The following CARF variants were observed in gnomAD, a reference collection of about 807,000 sequenced individuals.
CARF encodes the protein calcium-responsive transcription factor.
Under a neutral mutation model 82.0 loss-of-function variants are expected in CARF, and 57 were observed. The observed-to-expected ratio is 0.70, with a 90% CI of 0.56 to 0.87. CARF has a LOEUF of 0.87. Among genes scored for constraint, CARF ranks in the 40% least tolerant of loss-of-function variants. The pLI, the probability that CARF is intolerant of heterozygous loss-of-function variation, is 0.00. For synonymous variants in CARF, 268 were observed against 290.1 expected, an observed-to-expected ratio of 0.92 and a Z score of 0.77; for missense variants, 771 against 855.8, an observed-to-expected ratio of 0.90 and a Z score of 1.24.
intron 6 of CARF, among the ~76,000 whole-genome samples, chr2:202,953,194 T>G (rs1022533245): frequency 2.6e-5 from 4 of 152,044 alleles, no homozygotes; most frequent in Non-Finnish European, 4.4e-5. Context: ...TTTTATATTT[T>G]TAGTAGAGAC....
chr2:202,932,405 C>G (rs1459568400), intron 3 of CARF, among the ~76,000 whole-genome samples: 2 of 152,128 alleles, frequency 1.3e-5, no homozygotes, highest in African/African-American at 4.8e-5. Flanking sequence ...TCTAGCAGCT[C>G]AGGCCCAGGG....
Position 202,953,928 on chromosome 2 carries a change from A to G in CARF, c.428-77A>G, listed in dbSNP as rs866955924. ...AATTTTCTTTACCTATTACAAATAC[A>G]TAAGTTTTAGTTAGGTATATTCTTA... On this transcript the variant is annotated intron_variant, in intron 6 of 16. Coordinates refer to ENST00000438828, the MANE Select transcript of CARF (RefSeq NM_024744.17). The G allele has an allele frequency of 6.7e-5, 86 of 1,281,010 alleles. No individual in the cohort carries two copies. In the African/African-American group the frequency reaches 1.2e-3, roughly 17 times the overall value. The allele number at this position is 1,281,010 out of a possible 1,614,324, so 79.4% of individuals were successfully genotyped here.
At position 202,952,607 on chromosome 2, in the gene CARF, C is replaced by T; in HGVS notation, c.355C>T (p.Pro119Ser). Residue 119 changes from proline (P) to serine (S), a missense_variant, in exon 6 of 17, where the codon CCA (proline) becomes TCA (serine). Transcript: ENST00000438828. ...TENGQVLRVI[P>S]PTQTGMAQVI... The stretch of plus-strand genomic sequence containing the variant: ...AAATGGACAGGTACTTCGTGTAATT[C>T]CACCTACCCAGACAGGAATGGCACA... The T allele has an allele frequency of 6.2e-7, 1 of 1,613,468 alleles. No individual in the cohort carries two copies.
intron 9 of CARF, among the ~76,000 whole-genome samples, chr2:202,963,937 G>A (rs1378468391): frequency 1.3e-5 from 2 of 152,100 alleles, no homozygotes; most frequent in Admixed American, 6.5e-5. Flanking sequence ...CCTGCTGTGC[G>A]GCCTGGTTCC....
chr2:202,981,834 T>C, intron 15 of CARF, 149 bp downstream of exon 15: 2 of 1,012,734 alleles, frequency 2.0e-6, no homozygotes, highest in Non-Finnish European at 2.9e-6. Flanking sequence ...TCTTTTTGTT[T>C]CTTGATTTAA....
chr2:202,942,408 C>A, intron 4 of CARF: 2 of 162,328 alleles, frequency 1.2e-5, no homozygotes, highest in Non-Finnish European at 2.6e-5. Flanking sequence ...TTTAATTATA[C>A]ACATATTTTA....
chr2:202,941,815 A>G (rs532756189), intron 3 of CARF, 45 bp from the exon 4 acceptor site: 1 of 1,022,694 alleles, frequency 9.8e-7, no homozygotes, highest in Admixed American at 2.0e-5. Flanking sequence ...ACAGTCCACA[A>G]AAATACTAAG....
rs527665494 is a variant in CARF, at chr2:202,912,288, G to A, written c.-1144G>A. On this transcript the variant is annotated 5_prime_UTR_variant, in exon 1 of 17. It removes an upstream start codon present in the reference 5' UTR. Transcript: ENST00000438828. ...CCGGTGGGGCGCGCCTGCGCATTAT[G>A]CTGGTCTCCATGGCGGGGCCTCGGA... 1 of 152,414 alleles carries A rather than the reference G, an allele frequency of 6.6e-6. No homozygotes were observed. The highest frequency in any genetic ancestry group is 2.4e-5 in the African/African-American group (1 of 41,600). The allele number at this position is 152,414 out of a possible 1,614,324, so 9.4% of individuals were successfully genotyped here.
chr2:202,916,927 C>A (rs988379140), intron 1 of CARF, among the ~76,000 whole-genome samples: 1 of 152,112 alleles, frequency 6.6e-6, no homozygotes, highest in African/African-American at 2.4e-5. Context: ...AAACGCTGAG[C>A]TCGCCGGGCG....
At chr2:202,935,869 T>G (rs1333156705) in intron 3 of CARF, among the ~76,000 whole-genome samples, 1 of 152,172 alleles carries the variant, frequency 6.6e-6, no homozygotes, top group Non-Finnish European at 1.5e-5. Flanking sequence ...CACGCTGAAT[T>G]GCAGTGGTAC....
At chr2:202,961,181 T>C in intron 8 of CARF, 56 bp from the exon 9 acceptor site, 1 of 1,367,082 alleles carries the variant, frequency 7.3e-7, no homozygotes, top group Non-Finnish European at 1.0e-6. Context: ...CTCATTACAT[T>C]TATTATGCAA....
chr2:202,924,179 T>G (rs1219836003), intron 2 of CARF, 118 bp from the exon 3 acceptor site: 1 of 152,250 alleles, frequency 6.6e-6, no homozygotes, highest in Non-Finnish European at 1.5e-5. Context: ...TATAAGGTCT[T>G]TGTCAGCTAC....
intron 3 of CARF, among the ~76,000 whole-genome samples, chr2:202,936,230 A>AAATG (rs2105780894): frequency 6.6e-6 from 1 of 152,286 alleles, no homozygotes; most frequent in African/African-American, 2.4e-5. Flanking sequence ...TTGTGTATAC[A>AAATG]CATGCATATA....
chr2:202,951,711 A>G (rs770906407), intron 5 of CARF, among the ~76,000 whole-genome samples: 7 of 151,934 alleles, frequency 4.6e-5, no homozygotes, highest in African/African-American at 1.2e-4. Flanking sequence ...TAAATATACT[A>G]TTTTCCCTGT....
Position 202,982,390 on chromosome 2 carries a change from G to A in CARF, c.2008G>A (p.Gly670Arg). The A allele has an allele frequency of 6.2e-7, 1 of 1,614,092 alleles. No homozygotes were observed. ...LEGTVHRILL[G>R]DVQTIPIQII... ...AGGAACTGTTCATCGGATTCTGTTG[G>A]GAGATGTGCAGACTATTCCAATACA... is the stretch of plus-strand genomic sequence containing the variant. The change falls in exon 16 of 17, where the codon GGA becomes AGA. Residue 670 changes from glycine to arginine, a missense_variant. Transcript: ENST00000438828.
At chr2:202,972,679 A>G (rs1368491102) in intron 12 of CARF, among the ~76,000 whole-genome samples, 1 of 149,558 alleles carries the variant, frequency 6.7e-6, no homozygotes, top group Admixed American at 6.6e-5. Flanking sequence ...CCGTCTAAAA[A>G]AAAAAAAAAA....
chr2:202,921,215 A>G (rs1041324207), intron 2 of CARF, among the ~76,000 whole-genome samples: 15 of 152,062 alleles, frequency 9.9e-5, no homozygotes, highest in Admixed American at 5.9e-4. Flanking sequence ...GTTAGCCAGG[A>G]TGGTCTTGAC....
chr2:202,974,398 T>C lies in CARF; in HGVS notation c.1396T>C (p.Phe466Leu), dbSNP rs764542080. 1 of 1,610,330 alleles carries C rather than the reference T, an allele frequency of 6.2e-7. No individual in the cohort carries two copies. Among genetic ancestry groups the C allele is most frequent in the Non-Finnish European group, 8.5e-7 (1 of 1,179,132 alleles). ...ACCTGAAAGACATAATTTATCTTTT[T>C]TTCCAACTGTAAATGATATAAAAAA... ...EVPERHNLSFFPTVNDIKNHI... is the reference protein window; with the variant it reads ...EVPERHNLSFLPTVNDIKNHI... The change falls in exon 13 of 17, where the codon TTT (phenylalanine) becomes CTT (leucine). Residue 466 changes from phenylalanine (F) to leucine (L), a missense_variant. Phe to Leu is a conservative substitution (Grantham distance 22). Transcript: ENST00000438828.
At chr2:202,975,802 T>C (rs2059999997) in intron 13 of CARF, among the ~76,000 whole-genome samples, 1 of 152,062 alleles carries the variant, frequency 6.6e-6, no homozygotes, top group Admixed American at 6.6e-5. Context: ...CCTAGCACTT[T>C]AGGAGGCTGA....
Sources: allele counts gnomAD v4.1 joint callset (sites outside exome capture counted in the v4.1 genomes callset), GRCh38; gene constraint gnomAD v4.1.1; transcripts MANE v1.5; gene names NCBI Gene and HGNC (gene_info 2026-07-23, HGNC 2026-07-21).